The following SULF2 variants were observed in gnomAD, a reference collection of about 807,000 sequenced individuals.
SULF2 encodes sulfatase 2.
SULF2 carries 52 observed loss-of-function variants against 107.7 expected under a neutral mutation model. That is an observed-to-expected ratio of 0.48 (90% CI 0.39 to 0.61). The LOEUF is 0.61. SULF2 is among the 20% of genes least tolerant of loss of function. The pLI is 0.00. For synonymous variants in SULF2, 460 were observed against 464.3 expected, an observed-to-expected ratio of 0.99 and a Z score of 0.12; for missense variants, 993 against 1,177.3, an observed-to-expected ratio of 0.84 and a Z score of 2.29.
intron 7 of SULF2, among the ~76,000 whole-genome samples, chr20:47,682,418 G>T (rs1591170): frequency 0.87 from 132,746 of 151,968 alleles, 58,371 homozygotes; most frequent in African/African-American, 0.97. Context: ...GCTGCTGCCG[G>T]GAACAGTGGC....
chr20:47,757,211 C>G lies in SULF2; in HGVS notation c.153G>C (p.Thr51=). 1 of 1,559,194 alleles carries G rather than the reference C, an allele frequency of 6.4e-7. No individual in the cohort carries two copies. The highest frequency in any genetic ancestry group is 1.2e-5 in the South Asian group (1 of 84,792). Residue 51 remains threonine (T), a synonymous_variant, in exon 2 of 21, where the codon ACG becomes ACC. Transcript: ENST00000688720. ...NIRPNIILVL[T]DDQDVELGSM... is the part of the protein sequence containing the mutation. ...TACCCAGCTCCACATCCTGGTCGTC[C>G]GTCAGCACCAGGATGATGTTGGGGC...
intron 5 of SULF2, among the ~76,000 whole-genome samples, chr20:47,689,136 T>C (rs28445629): frequency 0.43 from 65,351 of 151,932 alleles, 14,487 homozygotes; most frequent in Middle Eastern, 0.52. Context: ...CTCAGGTAAG[T>C]TACCTTACCT....
At chr20:47,679,823 G>A (rs1288446378) in intron 7 of SULF2, among the ~76,000 whole-genome samples, 1 of 152,178 alleles carries the variant, frequency 6.6e-6, no homozygotes, top group Non-Finnish European at 1.5e-5. Flanking sequence ...CTGCAGCACA[G>A]ATACCCAACA....
Position 47,661,895 on chromosome 20 carries a change from AGCTGGTTGC to A in SULF2, c.2371-8_2371del, listed in dbSNP as rs1377557637. 1 of 1,550,742 alleles carries A rather than the reference AGCTGGTTGC, an allele frequency of 6.4e-7. No homozygotes were observed. The highest frequency in any genetic ancestry group is 1.8e-5 in the Admixed American group (1 of 56,126). On this transcript the variant is annotated splice_acceptor_variant and splice_polypyrimidine_tract_variant and coding_sequence_variant and intron_variant, in exon 18 of 21. Transcript: ENST00000688720. LOFTEE classifies it high-confidence loss of function. ...GTCCAGTGTGTTCACTGCATTCATC[AGCTGGTTGC>A]AAAAAAGGTAGTCTGTCAACAAGGT... is the stretch of plus-strand genomic sequence containing the variant.
At chr20:47,705,033 T>C (rs1339947337) in intron 3 of SULF2, among the ~76,000 whole-genome samples, 1 of 152,170 alleles carries the variant, frequency 6.6e-6, no homozygotes, top group Non-Finnish European at 1.5e-5. Context: ...TGGCTGACAC[T>C]TTCCAGGAGT....
chr20:47,728,021 G>A (rs968564932), intron 3 of SULF2, among the ~76,000 whole-genome samples: 12 of 152,188 alleles, frequency 7.9e-5, no homozygotes, highest in Non-Finnish European at 1.3e-4. Context: ...TGCAATTCCC[G>A]TGGATACTCG....
intron 3 of SULF2, among the ~76,000 whole-genome samples, chr20:47,727,433 A>G (rs2089474689): frequency 6.6e-6 from 1 of 152,202 alleles, no homozygotes. Context: ...CTGCAGGGAA[A>G]GCGTGGCCCT....
intron 2 of SULF2, among the ~76,000 whole-genome samples, chr20:47,740,735 A>G (rs1017743266): frequency 4.6e-5 from 7 of 152,176 alleles, no homozygotes; most frequent in African/African-American, 1.7e-4. Flanking sequence ...ATTGTGAGGG[A>G]ATGATTAGAA....
At chr20:47,737,767 T>TTG (rs1473383746) in intron 2 of SULF2, among the ~76,000 whole-genome samples, 4 of 136,808 alleles carry the variant, frequency 2.9e-5, no homozygotes, top group Admixed American at 7.2e-5. Context: ...TTTTTTTTTT[T>TTG]TTTTTTTTTT....
chr20:47,682,013 C>T (rs1000516065), intron 7 of SULF2, among the ~76,000 whole-genome samples: 1 of 152,104 alleles, frequency 6.6e-6, no homozygotes, highest in African/African-American at 2.4e-5. Context: ...AGTTCTTAGA[C>T]CAGGCCCTGA....
intron 1 of SULF2, among the ~76,000 whole-genome samples, chr20:47,777,109 G>A (rs183592597): frequency 6.6e-6 from 1 of 152,290 alleles, no homozygotes; most frequent in East Asian, 1.9e-4. Context: ...GAAGACAAAG[G>A]ACAAATAAGC....
At chr20:47,733,941 TCTC>T (rs1423768726) in intron 3 of SULF2, among the ~76,000 whole-genome samples, 2 of 152,226 alleles carry the variant, frequency 1.3e-5, no homozygotes, top group East Asian at 3.8e-4. Context: ...TTTGGGCTGA[TCTC>T]CTCTATTCAA....
At position 47,750,936 on chromosome 20, in the gene SULF2, C is replaced by A. The variant is rs73315774; in HGVS notation, c.175+6253G>T. ...CTCAGATTTCCCCTTCCCAATGAGA[C>A]CACCCTATAGAAAATCCCAGCGATT... On this transcript the variant is annotated intron_variant, in intron 2 of 20. Coordinates refer to ENST00000688720, the MANE Select transcript of SULF2 (RefSeq NM_001387048.1). Among the ~76,000 whole-genome samples the A allele has an allele frequency of 3.8e-3, 573 of 152,316 alleles. 8 individuals carry two copies. Among genetic ancestry groups the A allele is most frequent in the African/African-American group, 0.012 (518 of 41,560 alleles).
chr20:47,742,054 G>T (rs1428379252), intron 2 of SULF2, among the ~76,000 whole-genome samples: 1 of 152,210 alleles, frequency 6.6e-6, no homozygotes, highest in Non-Finnish European at 1.5e-5. Context: ...GTCAATCCAC[G>T]AGTAAAGGAC....
At chr20:47,777,896 C>T (rs1453907770) in intron 1 of SULF2, among the ~76,000 whole-genome samples, 1 of 151,840 alleles carries the variant, frequency 6.6e-6, no homozygotes, top group Non-Finnish European at 1.5e-5. Context: ...CGCCTGTAAT[C>T]CCAGCACTTT....
rs1280777588 is a variant in SULF2, at chr20:47,757,372, T to A, written c.-9A>T. 6.3e-7 allele frequency: 1 copy of A among 1,575,694 alleles called. No homozygotes were observed. The highest frequency in any genetic ancestry group is 8.6e-7 in the Non-Finnish European group (1 of 1,156,984). On this transcript the variant is annotated 5_prime_UTR_variant, in exon 2 of 21. Transcript: ENST00000688720. ...AGGCTCGGGGGGCCCATCTTCTTTT[T>A]TTGCTGATCTGGTGCTTCTTTTGGG...
At chr20:47,709,214 T>C (rs1031055157) in intron 3 of SULF2, among the ~76,000 whole-genome samples, 2 of 152,070 alleles carry the variant, frequency 1.3e-5, no homozygotes, top group Non-Finnish European at 2.9e-5. Context: ...GAAGCTTGGA[T>C]TCGCTGAGCT....
intron 15 of SULF2, among the ~76,000 whole-genome samples, 167 bp from the exon 16 acceptor site, chr20:47,663,789 G>T (rs533062701): frequency 2.0e-5 from 3 of 152,264 alleles, no homozygotes; most frequent in Admixed American, 1.3e-4. Flanking sequence ...AGGCAGAGCC[G>T]GGACCAGAAC....
intron 13 of SULF2, 53 bp downstream of exon 13, chr20:47,665,804 C>T: frequency 6.7e-7 from 1 of 1,501,544 alleles, no homozygotes; most frequent in Non-Finnish European, 9.3e-7. Context: ...AACCGGGGGT[C>T]CTGCCAGGCC....
Sources: allele counts gnomAD v4.1 joint callset (sites outside exome capture counted in the v4.1 genomes callset), GRCh38; gene constraint gnomAD v4.1.1; transcripts MANE v1.5; gene names NCBI Gene and HGNC (gene_info 2026-07-23, HGNC 2026-07-21).